CPQ: variants seen among roughly 807,000 people sequenced by gnomAD.
The protein encoded by CPQ is Ser-Met dipeptidase.
In CPQ, 37 loss-of-function variants were observed where a neutral mutation model predicts 45.7. The observed-to-expected ratio is 0.81, with a 90% CI of 0.62 to 1.07. The LOEUF (loss-of-function observed/expected upper bound fraction) is 1.07, where lower values mean the gene tolerates loss of function less well. Ranked by LOEUF, CPQ falls within the 50% of genes least tolerant of loss-of-function variation. The pLI, the probability that CPQ is intolerant of heterozygous loss-of-function variation, is 0.00. For missense variants in CPQ, 537 were observed against 572.9 expected, an observed-to-expected ratio of 0.94 and a Z score of 0.64; for synonymous variants, 186 against 205.8, an observed-to-expected ratio of 0.90 and a Z score of 0.82.
intron 4 of CPQ, among the ~76,000 whole-genome samples, chr8:96,909,115 C>T (rs1345534886): frequency 6.6e-6 from 1 of 152,228 alleles, no homozygotes; most frequent in Admixed American, 6.5e-5. Flanking sequence ...TGCAATGTGC[C>T]TTCAATGAAG....
At chr8:96,665,921 G>A (rs1331957210) in intron 1 of CPQ, among the ~76,000 whole-genome samples, 2 of 152,170 alleles carry the variant, frequency 1.3e-5, no homozygotes, top group African/African-American at 4.8e-5. Flanking sequence ...AGGAGATTAG[G>A]AGAAAATTGC....
rs1055454490 is a variant in CPQ, at chr8:96,918,217, A to G, written c.849+38212A>G. On this transcript the variant is annotated intron_variant, in intron 4 of 7. Transcript: ENST00000220763. ...ACTTTCAACTCTTTTAGCTGTTCAC[A>G]TCAATTTGTCTAAAATCTAAATAAT... Among the ~76,000 whole-genome samples, 19 of 152,112 alleles carry G rather than the reference A, an allele frequency of 1.2e-4. 1 individual carries two copies. Among genetic ancestry groups the G allele is most frequent in the African/African-American group, 4.6e-4 (19 of 41,432 alleles).
At chr8:96,923,696 G>A (rs925678033) in intron 4 of CPQ, among the ~76,000 whole-genome samples, 1 of 152,040 alleles carries the variant, frequency 6.6e-6, no homozygotes, top group Non-Finnish European at 1.5e-5. Flanking sequence ...AAGATGCTCT[G>A]TTTCAGTTTG....
chr8:97,113,207 C>T (rs146871263), intron 7 of CPQ, among the ~76,000 whole-genome samples: 154 of 152,218 alleles, frequency 1.0e-3, no homozygotes, highest in Non-Finnish European at 1.8e-3. Context: ...CAAGCAGGTC[C>T]AGTGTCCCAG....
intron 1 of CPQ, among the ~76,000 whole-genome samples, chr8:96,716,963 A>C (rs1809682315): frequency 7.0e-6 from 1 of 143,050 alleles, no homozygotes; most frequent in South Asian, 2.3e-4. Flanking sequence ...AATTCCATCC[A>C]TGTTGCTGTG....
chr8:96,797,964 T>A (rs962727427), intron 2 of CPQ, among the ~76,000 whole-genome samples: 30 of 151,932 alleles, frequency 2.0e-4, no homozygotes, highest in African/African-American at 5.5e-4. Context: ...GGCAGGAGAA[T>A]TGCTTGAACC....
intron 6 of CPQ, among the ~76,000 whole-genome samples, chr8:97,050,226 A>G (rs1470050695): frequency 1.3e-5 from 2 of 152,212 alleles, no homozygotes; most frequent in Admixed American, 6.5e-5. Flanking sequence ...TCAAAATATA[A>G]TGAAGAATTT....
At chr8:97,051,654 C>T (rs940859333) in intron 6 of CPQ, among the ~76,000 whole-genome samples, 1 of 152,190 alleles carries the variant, frequency 6.6e-6, no homozygotes, top group African/African-American at 2.4e-5. Context: ...TATCAACCCC[C>T]AAGGGACCCC....
At chr8:96,916,811 G>A (rs1812739592) in intron 4 of CPQ, among the ~76,000 whole-genome samples, 1 of 152,032 alleles carries the variant, frequency 6.6e-6, no homozygotes, top group African/African-American at 2.4e-5. Context: ...CAGTTTGGAA[G>A]AGCATGGTCA....
intron 1 of CPQ, among the ~76,000 whole-genome samples, chr8:96,744,615 A>G (rs73277763): frequency 0.02 from 3,065 of 152,308 alleles, 97 homozygotes; most frequent in African/African-American, 0.071. Context: ...GTCTCATACT[A>G]ATAAAACTGT....
rs1812404840 is a variant in CPQ, at chr8:96,893,585, C to T, written c.849+13580C>T. On this transcript the variant is annotated intron_variant, in intron 4 of 7. Coordinates refer to ENST00000220763, the MANE Select transcript of CPQ (RefSeq NM_016134.4). ...ACAATAGGACTGATAATAATGATTC[C>T]CACTTTAAAGATGAGGAAGCTGAGA... Among the ~76,000 whole-genome samples, 5 of 152,056 alleles carry T rather than the reference C, an allele frequency of 3.3e-5. No homozygotes were observed. In the South Asian group the frequency reaches 8.3e-4, roughly 25 times the overall value.
chr8:97,135,144 A>G (rs1038080002), intron 7 of CPQ, among the ~76,000 whole-genome samples: 4 of 152,250 alleles, frequency 2.6e-5, no homozygotes, highest in African/African-American at 9.6e-5. Flanking sequence ...GATAGAAGGT[A>G]CATGGGCTTA....
At chr8:96,982,165 C>A (rs1356617423) in intron 5 of CPQ, among the ~76,000 whole-genome samples, 2 of 152,166 alleles carry the variant, frequency 1.3e-5, no homozygotes, top group Non-Finnish European at 2.9e-5. Context: ...AGGCAATGTT[C>A]ATAGTGGTTG....
Position 96,974,417 on chromosome 8 carries a change from A to T in CPQ, c.961+8371A>T, listed in dbSNP as rs559187662. On this transcript the variant is annotated intron_variant, in intron 5 of 7. Transcript: ENST00000220763. The stretch of plus-strand genomic sequence containing the variant: ...GTAGTGAGATAGACAGCAACACAAT[A>T]ATATGGGGGACTTTAATACACCACT... Among the ~76,000 whole-genome samples the T allele has an allele frequency of 2.6e-5, 4 of 152,292 alleles. No homozygotes were observed. The South Asian group carries it at 8.3e-4, about 32-fold the overall frequency.
At position 96,965,906 on chromosome 8, in the gene CPQ, A is replaced by T. The variant is rs757785245; in HGVS notation, c.850-29A>T. 27 of 1,447,490 alleles carry T rather than the reference A, an allele frequency of 1.9e-5. 1 individual carries two copies. In the Admixed American group the frequency reaches 2.1e-4, roughly 11 times the overall value. The allele number at this position is 1,447,490 out of a possible 1,614,324, so 89.7% of individuals were successfully genotyped here. A position where few individuals can be genotyped will look rare whatever the true frequency, so the allele number is the denominator to read the frequency against. On this transcript the variant is annotated intron_variant, in intron 4 of 7. Coordinates refer to ENST00000220763, the MANE Select transcript of CPQ (RefSeq NM_016134.4). ...TTTGATGTCATTTTTGCTTAGTTTT[A>T]TTTTTTAACTTTTTATTATTTGTTC...
chr8:97,125,072 A>G (rs1354437090), intron 7 of CPQ, among the ~76,000 whole-genome samples: 5 of 152,176 alleles, frequency 3.3e-5, no homozygotes, highest in African/African-American at 1.2e-4. Flanking sequence ...AGGACACATG[A>G]CTACACATAC....
chr8:96,957,626 C>T (rs953879796), intron 4 of CPQ, among the ~76,000 whole-genome samples: 10 of 151,910 alleles, frequency 6.6e-5, no homozygotes, highest in South Asian at 4.1e-4. Context: ...TGGTGAAAAC[C>T]GGTATCTACT....
chr8:97,032,282 A>T (rs1290523300), intron 6 of CPQ, among the ~76,000 whole-genome samples: 1 of 152,232 alleles, frequency 6.6e-6, no homozygotes, highest in Non-Finnish European at 1.5e-5. Flanking sequence ...GTATTCAGTG[A>T]TCCAAGCTGA....
At position 96,747,671 on chromosome 8, in the gene CPQ, C is replaced by T. The variant is rs574395849; in HGVS notation, c.-34-37193C>T. Among the ~76,000 whole-genome samples the T allele has an allele frequency of 1.1e-3, 170 of 152,280 alleles. 2 individuals are homozygous for T. Among genetic ancestry groups the T allele is most frequent in the Non-Finnish European group, 1.1e-3 (73 of 68,022 alleles). On this transcript the variant is annotated intron_variant, in intron 1 of 7. Transcript: ENST00000220763. ...AGATTAGATTCATCTTTTTTACTTTCCTGGCCTCAGCTCTCTCTTATGGCA... is the reference window on the plus strand; with the variant it reads ...AGATTAGATTCATCTTTTTTACTTTTCTGGCCTCAGCTCTCTCTTATGGCA...
Sources: gnomAD v4.1 joint callset for allele counts (sites outside exome capture counted in the v4.1 genomes callset) on GRCh38, gnomAD v4.1.1 for gene constraint, MANE v1.5 for transcripts, NCBI Gene and HGNC (gene_info 2026-07-23, HGNC 2026-07-21) for gene names.